Variants in FILIP1 observed in about 807,000 individuals in gnomAD.
FILIP1 encodes the protein filamin A interacting protein 1.
In FILIP1, 61 loss-of-function variants were observed where a neutral mutation model predicts 102.1. The observed-to-expected ratio is 0.60, with a 90% CI of 0.49 to 0.74. The LOEUF is 0.74. FILIP1 is among the 30% of genes least tolerant of loss of function. The pLI, the probability that FILIP1 is intolerant of heterozygous loss-of-function variation, is 0.00. For synonymous variants in FILIP1, 491 were observed against 526.9 expected (o/e 0.93, Z 0.93); for missense variants, 1,314 against 1,441.2 (o/e 0.91, Z 1.43).
At chr6:75,406,530 A>G (rs1257985542) in intron 2 of FILIP1, among the ~76,000 whole-genome samples, 1 of 152,098 alleles carries the variant, frequency 6.6e-6, no homozygotes, top group Non-Finnish European at 1.5e-5. Context: ...CTAAGTCATG[A>G]GCTCTTTCTT....
chr6:75,380,405 G>T (rs1232850099), intron 2 of FILIP1, among the ~76,000 whole-genome samples: 1 of 148,898 alleles, frequency 6.7e-6, no homozygotes, highest in East Asian at 1.9e-4. Flanking sequence ...AACAACTAAA[G>T]AATTATAAAT....
chr6:75,308,490 G>A lies in FILIP1; in HGVS notation c.*201C>T. On this transcript the variant is annotated 3_prime_UTR_variant, in exon 6 of 6. Coordinates refer to ENST00000237172, the MANE Select transcript of FILIP1 (RefSeq NM_015687.5). ...CCACGCCCTGGCTTCTAGGCAGCAA[G>A]CAATAGTTTTGCTAATTTTGTTCCC... 1 of 1,405,980 alleles carries A rather than the reference G, an allele frequency of 7.1e-7. No individual in the cohort carries two copies. Among genetic ancestry groups the A allele is most frequent in the Non-Finnish European group, 9.2e-7 (1 of 1,082,478 alleles). The allele number at this position is 1,405,980 out of a possible 1,614,324, so 87.1% of individuals were successfully genotyped here.
At chr6:75,485,878 A>T (rs572812537) in intron 1 of FILIP1, among the ~76,000 whole-genome samples, 1 of 151,920 alleles carries the variant, frequency 6.6e-6, no homozygotes, top group Non-Finnish European at 1.5e-5. Context: ...CCAGAATAGC[A>T]ACTCACTACC....
intron 4 of FILIP1, among the ~76,000 whole-genome samples, chr6:75,316,260 T>G (rs1773442427): frequency 6.6e-6 from 1 of 152,214 alleles, no homozygotes; most frequent in South Asian, 2.1e-4. Context: ...TATAATCATA[T>G]TTGCCATGTT....
rs1778227983 is a variant in FILIP1 at position 75,441,538 on chromosome 6, C to G, written c.-6-26560G>C. 2.0e-5 allele frequency among the ~76,000 whole-genome samples: 3 copies of G among 152,070 alleles called. No homozygotes were observed. In the South Asian group the frequency reaches 6.2e-4, roughly 32 times the overall value. On this transcript the variant is annotated intron_variant, in intron 1 of 5. Transcript: ENST00000237172. Reference sequence around the variant, plus strand: ...GTGGTGGCCGGGTAGAGGGGCTCCTCACTTCCCAGTAGGGGCGGCCGGGCA... The same window carrying G: ...GTGGTGGCCGGGTAGAGGGGCTCCTGACTTCCCAGTAGGGGCGGCCGGGCA...
chr6:75,468,006 T>C lies in FILIP1; in HGVS notation c.-7+25408A>G, dbSNP rs149439919. Among the ~76,000 whole-genome samples, 87 of 152,258 alleles carry C rather than the reference T, an allele frequency of 5.7e-4. 2 individuals carry two copies. In the East Asian group the frequency reaches 0.015, roughly 26 times the overall value. The stretch of plus-strand genomic sequence containing the variant: ...TGCTTCCAGCTGGGAGTCAAAGGTA[T>C]GGAAGCTTGAATCAGAGAAACAAAG... On this transcript the variant is annotated intron_variant, in intron 1 of 5. Transcript: ENST00000237172.
intron 2 of FILIP1, among the ~76,000 whole-genome samples, chr6:75,395,709 C>T (rs780270122): frequency 2.1e-4 from 32 of 152,240 alleles, no homozygotes; most frequent in Admixed American, 1.8e-3. Flanking sequence ...ATAATTAAAA[C>T]GTGATTCCTG....
At chr6:75,331,023 C>T (rs1415592825) in intron 4 of FILIP1, among the ~76,000 whole-genome samples, 1 of 152,080 alleles carries the variant, frequency 6.6e-6, no homozygotes, top group Admixed American at 6.5e-5. Flanking sequence ...ACAAATTATA[C>T]GTCTTGGAGA....
chr6:75,362,243 C>T (rs919561000), intron 3 of FILIP1, among the ~76,000 whole-genome samples: 4 of 152,118 alleles, frequency 2.6e-5, no homozygotes, highest in African/African-American at 9.7e-5. Flanking sequence ...CAAAGAATTG[C>T]CCTAAGCATT....
At chr6:75,489,785 T>G (rs1280980550) in intron 1 of FILIP1, among the ~76,000 whole-genome samples, 3 of 152,126 alleles carry the variant, frequency 2.0e-5, no homozygotes, top group Non-Finnish European at 4.4e-5. Context: ...AAATGTATTT[T>G]TATTAGCTTA....
At chr6:75,333,163 T>G (rs1000962146) in intron 4 of FILIP1, among the ~76,000 whole-genome samples, 3 of 152,148 alleles carry the variant, frequency 2.0e-5, no homozygotes, top group African/African-American at 4.8e-5. Flanking sequence ...AACCTCTCCC[T>G]TTTTACAATG....
intron 2 of FILIP1, chr6:75,366,208 T>C (rs1345414640): frequency 1.3e-5 from 2 of 152,226 alleles, no homozygotes; most frequent in Non-Finnish European, 2.9e-5. Flanking sequence ...TATTTCCATA[T>C]GGTCTTTCCA....
At chr6:75,467,386 T>C (rs1456971135) in intron 1 of FILIP1, among the ~76,000 whole-genome samples, 3 of 152,086 alleles carry the variant, frequency 2.0e-5, no homozygotes, top group African/African-American at 7.2e-5. Context: ...AGGACATCCT[T>C]GTGTGAATTA....
Position 75,458,418 on chromosome 6 carries a change from G to A in FILIP1, c.-7+34996C>T, listed in dbSNP as rs114281557. On this transcript the variant is annotated intron_variant, in intron 1 of 5. Coordinates refer to ENST00000237172, the MANE Select transcript of FILIP1 (RefSeq NM_015687.5). ...ATTAGAAAAGAACAGAAGGTCTAGA[G>A]GAGTTAAAGTGGCTTGCTCTAAGCC... Among the ~76,000 whole-genome samples the A allele has an allele frequency of 5.1e-3, 775 of 152,288 alleles. 6 individuals carry two copies. The highest frequency in any genetic ancestry group is 0.018 in the African/African-American group (733 of 41,566).
intron 1 of FILIP1, among the ~76,000 whole-genome samples, chr6:75,457,612 G>GTCTCTCTCTCTCTCTCTCTC (rs68150078): frequency 2.4e-4 from 34 of 142,730 alleles, no homozygotes; most frequent in East Asian, 1.9e-3. Context: ...TTCAAACAAA[G>GTCTCTCTCTCTCTCTCTCTC]TCTCTCTCTC....
At chr6:75,355,817 C>A (rs1225824862) in intron 3 of FILIP1, among the ~76,000 whole-genome samples, 1 of 152,170 alleles carries the variant, frequency 6.6e-6, no homozygotes, top group Non-Finnish European at 1.5e-5. Flanking sequence ...TTAAATTGGA[C>A]CAAATCTTAC....
At chr6:75,419,185 TC>T (rs1214082874) in intron 1 of FILIP1, among the ~76,000 whole-genome samples, 1 of 152,180 alleles carries the variant, frequency 6.6e-6, no homozygotes, top group Non-Finnish European at 1.5e-5. Flanking sequence ...TTCCCAGACT[TC>T]CTTAGCTCTT....
intron 1 of FILIP1, among the ~76,000 whole-genome samples, chr6:75,492,060 C>T (rs1275021555): frequency 6.6e-6 from 1 of 152,138 alleles, no homozygotes; most frequent in African/African-American, 2.4e-5. Context: ...TACTAAAGCA[C>T]CAGGAGTTTC....
At chr6:75,329,358 G>C (rs1243467708) in intron 4 of FILIP1, among the ~76,000 whole-genome samples, 1 of 152,190 alleles carries the variant, frequency 6.6e-6, no homozygotes, top group Non-Finnish European at 1.5e-5. Flanking sequence ...ATTAGCTCCA[G>C]AGCATCAGTT....
Sources: gnomAD v4.1 joint callset for allele counts (sites outside exome capture counted in the v4.1 genomes callset) on GRCh38, gnomAD v4.1.1 for gene constraint, MANE v1.5 for transcripts, NCBI Gene and HGNC (gene_info 2026-07-23, HGNC 2026-07-21) for gene names.